Variants in CEP128 observed in about 807,000 individuals in gnomAD.
CEP128 encodes centrosomal protein 128.
A neutral mutation model predicts 156.7 loss-of-function variants in CEP128; 132 were observed. The ratio of observed to expected loss-of-function variants is 0.84; its 90% CI spans 0.73 to 0.97. The LOEUF (loss-of-function observed/expected upper bound fraction) is 0.97, where lower values mean the gene tolerates loss of function less well. CEP128 is among the 50% of genes least tolerant of loss of function. CEP128 has a pLI of 0.00. For missense variants in CEP128, 1,252 were observed against 1,281.9 expected (o/e 0.98, Z 0.36); for synonymous variants, 469 against 448.9 (o/e 1.04, Z -0.57).
intron 23 of CEP128, among the ~76,000 whole-genome samples, chr14:80,519,643 A>T (rs377664567): frequency 2.4e-4 from 36 of 152,224 alleles, no homozygotes; most frequent in African/African-American, 8.7e-4. Context: ...CTTTATTCCT[A>T]TCTGAAAGTT....
In CEP128 at chr14:80,836,478, T is replaced by C. The variant is rs1256964273; in HGVS notation, c.925-141A>G. ...AACGGTTTCCTGCTCCATTTCCTCA[T>C]TCCTCTCATCTCTTCCACAAAGAAT... is the stretch of plus-strand genomic sequence containing the variant. On this transcript the variant is annotated intron_variant, in intron 11 of 24. Coordinates refer to ENST00000555265, the MANE Select transcript of CEP128 (RefSeq NM_152446.5). The C allele has an allele frequency of 1.5e-5, 12 of 811,102 alleles. No individual in the cohort carries two copies. The Admixed American group carries it at 2.3e-4, about 15-fold the overall frequency. 50.2% of individuals were successfully genotyped at this position (811,102 alleles called of 1,614,324 possible).
intron 19 of CEP128, among the ~76,000 whole-genome samples, chr14:80,730,480 A>G (rs888192847): frequency 3.3e-5 from 5 of 152,216 alleles, no homozygotes; most frequent in Admixed American, 6.5e-5. Flanking sequence ...GTGAACTTCT[A>G]GCTGGAGACA....
rs536849908 is a variant in CEP128 at position 80,598,004 on chromosome 14, G to T, written c.2807-17581C>A. Among the ~76,000 whole-genome samples, 382 of 143,710 alleles carry T rather than the reference G, an allele frequency of 2.7e-3. 3 individuals are homozygous for T. The highest frequency in any genetic ancestry group is 9.5e-3 in the African/African-American group (374 of 39,436). The allele number at this position is 143,710 out of a possible 152,430, so 94.3% of individuals were successfully genotyped here. A position where few individuals can be genotyped will look rare whatever the true frequency, so the allele number is the denominator to read the frequency against. ...TATGGCTAGCATTATGCTAAATGGT[G>T]AAAGACTGAAATGTTTTCCATTTAA... On this transcript the variant is annotated intron_variant, in intron 19 of 24. Coordinates refer to ENST00000555265, the MANE Select transcript of CEP128 (RefSeq NM_152446.5).
At chr14:80,958,814 C>T (rs1369700588) in intron 1 of CEP128, among the ~76,000 whole-genome samples, 1 of 152,078 alleles carries the variant, frequency 6.6e-6, no homozygotes, top group Non-Finnish European at 1.5e-5. Flanking sequence ...GAGGCATGTT[C>T]TCTCACAAGT....
intron 19 of CEP128, among the ~76,000 whole-genome samples, chr14:80,592,431 C>T (rs1892116672): frequency 6.6e-6 from 1 of 152,162 alleles, no homozygotes; most frequent in Non-Finnish European, 1.5e-5. Flanking sequence ...TGGACACATA[C>T]ACCCTCCCAA....
intron 2 of CEP128, among the ~76,000 whole-genome samples, chr14:80,954,269 CAAAAGAAAAAAA>C (rs954177113): frequency 1.4e-5 from 2 of 144,066 alleles, no homozygotes; most frequent in Admixed American, 6.8e-5. Context: ...GACTCCGTTT[CAAAAGAAAAAAA>C]AAAAGAAAAG....
intron 20 of CEP128, among the ~76,000 whole-genome samples, chr14:80,560,278 A>G (rs1890613408): frequency 6.6e-6 from 1 of 152,164 alleles, no homozygotes; most frequent in Non-Finnish European, 1.5e-5. Flanking sequence ...ATTAAAAAGT[A>G]GCCAGGTGCG....
chr14:80,612,954 C>A (rs920363915), intron 19 of CEP128, among the ~76,000 whole-genome samples: 5 of 151,806 alleles, frequency 3.3e-5, no homozygotes, highest in South Asian at 2.1e-4. Context: ...AATTCTCCTG[C>A]CTCAGCCTCC....
chr14:80,740,783 A>G (rs8005809), intron 19 of CEP128, among the ~76,000 whole-genome samples: 50,645 of 151,938 alleles, frequency 0.33, 9,608 homozygotes, highest in Non-Finnish European at 0.43. Context: ...GGCTTATTTC[A>G]CCCTTAGATG....
chr14:80,859,644 G>A (rs2140149754), intron 9 of CEP128, among the ~76,000 whole-genome samples: 1 of 152,216 alleles, frequency 6.6e-6, no homozygotes. Context: ...AAAAGGAAGT[G>A]GATTCCTGGG....
intron 8 of CEP128, among the ~76,000 whole-genome samples, chr14:80,893,838 G>A (rs1889221310): frequency 6.6e-6 from 1 of 151,854 alleles, no homozygotes; most frequent in South Asian, 2.1e-4. Context: ...AATAAACTAG[G>A]GGATTAAAGA....
chr14:80,916,431 C>T lies in CEP128; in HGVS notation c.117G>A (p.Glu39=). Residue 39 remains glutamate (E), a synonymous_variant, in exon 3 of 25, where the codon GAG becomes GAA. Transcript: ENST00000555265. ...TRSLPTVEVT[E]KVNTITSTLQ... ...AAGTACTTGTTATAGTGTTGACCTT[C>T]TCGGTAACTTCTACTGTAGGAAGAC... The T allele has an allele frequency of 6.2e-7, 1 of 1,614,048 alleles. No individual in the cohort carries two copies.
At chr14:80,506,494 A>G (rs990355132) in intron 23 of CEP128, among the ~76,000 whole-genome samples, 2 of 151,256 alleles carry the variant, frequency 1.3e-5, no homozygotes, top group Non-Finnish European at 2.9e-5. Context: ...AATATCAGTT[A>G]AGACCATAAC....
At chr14:80,574,613 C>T (rs2140425317) in intron 20 of CEP128, among the ~76,000 whole-genome samples, 1 of 152,240 alleles carries the variant, frequency 6.6e-6, no homozygotes, top group South Asian at 2.1e-4. Context: ...TGCCTGACAA[C>T]TCTACACTGG....
intron 2 of CEP128, chr14:80,957,853 T>A (rs917835010): frequency 6.6e-6 from 1 of 152,184 alleles, no homozygotes; most frequent in African/African-American, 2.4e-5. Context: ...GATGACATGA[T>A]GCTGATGAGA....
chr14:80,495,390 G>A (rs1266609407), downstream of CEP128, among the ~76,000 whole-genome samples: 2 of 152,118 alleles, frequency 1.3e-5, no homozygotes, highest in Non-Finnish European at 1.5e-5. Context: ...ATAAACAGGA[G>A]GCCAAGGAAT....
chr14:80,780,268 A>G (rs1171525811), intron 15 of CEP128, among the ~76,000 whole-genome samples: 2 of 151,968 alleles, frequency 1.3e-5, no homozygotes, highest in Non-Finnish European at 1.5e-5. Flanking sequence ...CTTGTCTAAA[A>G]CTCCGTTGTG....
chr14:80,626,123 A>G (rs1210333461), intron 19 of CEP128, among the ~76,000 whole-genome samples: 3 of 152,240 alleles, frequency 2.0e-5, no homozygotes, highest in Non-Finnish European at 2.9e-5. Context: ...AAAAATTAGC[A>G]TGGGTTATTC....
chr14:80,501,262 C>T (rs191342749), intron 24 of CEP128, among the ~76,000 whole-genome samples: 12 of 151,942 alleles, frequency 7.9e-5, no homozygotes, highest in South Asian at 4.2e-4. Flanking sequence ...GTTCCTGGAG[C>T]GAGGAGTAGA....
Sources: allele counts gnomAD v4.1 joint callset (sites outside exome capture counted in the v4.1 genomes callset), GRCh38; gene constraint gnomAD v4.1.1; transcripts MANE v1.5; gene names NCBI Gene and HGNC (gene_info 2026-07-23, HGNC 2026-07-21).